Variants in NRXN1 observed in about 807,000 individuals in gnomAD.
NRXN1 encodes neurexin 1.
Under a neutral mutation model 150.9 loss-of-function variants are expected in NRXN1, and 39 were observed. The ratio of observed to expected loss-of-function variants is 0.26; its 90% CI spans 0.20 to 0.34. NRXN1 has a LOEUF of 0.34. Ranked by LOEUF, NRXN1 falls within the 10% of genes least tolerant of loss-of-function variation. The pLI, the probability that NRXN1 is intolerant of heterozygous loss-of-function variation, is 1.00. For missense variants in NRXN1, 1,815 were observed against 1,949.9 expected (o/e 0.93, Z 1.30); for synonymous variants, 924 against 757.0 (o/e 1.22, Z -3.62).
chr2:50,473,228 C>T (rs34723712), intron 15 of NRXN1, among the ~76,000 whole-genome samples: 45,733 of 151,630 alleles, frequency 0.3, 7,293 homozygotes, highest in South Asian at 0.4. Context: ...TTAGGCTGCT[C>T]TGAAATCCGT....
At chr2:49,999,610 T>C (rs1433692623) in intron 21 of NRXN1, among the ~76,000 whole-genome samples, 1 of 152,186 alleles carries the variant, frequency 6.6e-6, no homozygotes, top group Non-Finnish European at 1.5e-5. Context: ...GAGACAATAG[T>C]ATAATAAATC....
intron 5 of NRXN1, among the ~76,000 whole-genome samples, chr2:50,672,349 G>A (rs186859727): frequency 4.0e-5 from 6 of 151,642 alleles, no homozygotes; most frequent in African/African-American, 1.2e-4. Context: ...GAGTGTAATT[G>A]CTAAAGTTAG....
chr2:50,691,025 T>C (rs1691997214), intron 5 of NRXN1, among the ~76,000 whole-genome samples: 1 of 152,228 alleles, frequency 6.6e-6, no homozygotes, highest in Admixed American at 6.5e-5. Context: ...GTGACATTTT[T>C]TTCTAAAGAC....
At chr2:50,673,108 G>T (rs1433094307) in intron 5 of NRXN1, among the ~76,000 whole-genome samples, 2 of 151,978 alleles carry the variant, frequency 1.3e-5, no homozygotes, top group South Asian at 2.1e-4. Flanking sequence ...GAAGACGGTG[G>T]CAATAATTAA....
At chr2:50,950,440 C>A (rs1303968689) in intron 2 of NRXN1, among the ~76,000 whole-genome samples, 1 of 152,076 alleles carries the variant, frequency 6.6e-6, no homozygotes, top group African/African-American at 2.4e-5. Context: ...TGAATTTCTT[C>A]CGTTAAAGAG....
intron 18 of NRXN1, among the ~76,000 whole-genome samples, chr2:50,095,910 G>A (rs1048884953): frequency 7.3e-5 from 11 of 151,374 alleles, no homozygotes; most frequent in East Asian, 3.9e-4. Flanking sequence ...GACATTAGGT[G>A]TATCTCCTAA....
chr2:50,227,985 G>T (rs909351295), intron 18 of NRXN1, among the ~76,000 whole-genome samples: 5 of 151,988 alleles, frequency 3.3e-5, no homozygotes, highest in African/African-American at 1.2e-4. Flanking sequence ...TACAACTGTA[G>T]ATATAACAAA....
intron 17 of NRXN1, among the ~76,000 whole-genome samples, chr2:50,310,125 A>G (rs2075052234): frequency 6.6e-6 from 1 of 152,224 alleles, no homozygotes. Context: ...AAGGAAAGAG[A>G]GAGTATCTTG....
At chr2:50,717,978 C>T (rs1468544680) in intron 5 of NRXN1, among the ~76,000 whole-genome samples, 2 of 152,068 alleles carry the variant, frequency 1.3e-5, no homozygotes, top group African/African-American at 4.8e-5. Context: ...ATTGGGAAGG[C>T]GGAATAAACA....
At chr2:50,747,740 T>C (rs1332157320) in intron 5 of NRXN1, among the ~76,000 whole-genome samples, 1 of 152,112 alleles carries the variant, frequency 6.6e-6, no homozygotes, top group Non-Finnish European at 1.5e-5. Flanking sequence ...ATAATATCCA[T>C]CTATGTGCTA....
At chr2:50,783,328 G>C (rs1424857900) in intron 5 of NRXN1, among the ~76,000 whole-genome samples, 1 of 151,974 alleles carries the variant, frequency 6.6e-6, no homozygotes, top group Non-Finnish European at 1.5e-5. Flanking sequence ...GCCAGCATGG[G>C]GATTCTGTTA....
chr2:50,901,865 T>C (rs377389648), intron 5 of NRXN1, among the ~76,000 whole-genome samples: 1 of 152,168 alleles, frequency 6.6e-6, no homozygotes, highest in African/African-American at 2.4e-5. Flanking sequence ...GCTTTCAAAA[T>C]GTTTAAAAAT....
Position 51,028,151 on chromosome 2 carries a change from C to A in NRXN1, c.123G>T (p.Thr41=), listed in dbSNP as rs1400018643. 6.5e-7 allele frequency: 1 copy of A among 1,541,974 alleles called. No homozygotes were observed. Among genetic ancestry groups the A allele is most frequent in the Non-Finnish European group, 8.7e-7 (1 of 1,147,216 alleles). ...LEFPGAEGQW[T]RFPKWNACCE... ...AGCAGGCGTTCCACTTGGGGAAGCG[C>A]GTCCATTGGCCCTCGGCGCCCGGAA... is the stretch of plus-strand genomic sequence containing the variant. The change falls in exon 2 of 23, where the codon ACG becomes ACT. Residue 41 remains threonine (T), a synonymous_variant. Coordinates refer to ENST00000401669, the MANE Select transcript of NRXN1 (RefSeq NM_001330078.2).
intron 10 of NRXN1, among the ~76,000 whole-genome samples, chr2:50,532,982 G>T (rs962547240): frequency 6.6e-6 from 1 of 152,152 alleles, no homozygotes; most frequent in Non-Finnish European, 1.5e-5. Context: ...ACACAGCATA[G>T]CAATTAAGTG....
chr2:50,859,025 A>T (rs902415352), intron 5 of NRXN1, among the ~76,000 whole-genome samples: 37 of 152,166 alleles, frequency 2.4e-4, no homozygotes, highest in African/African-American at 8.7e-4. Context: ...ATTTTAAAGC[A>T]AATGGCATTA....
chr2:49,964,963 T>C (rs1676689872), intron 21 of NRXN1, among the ~76,000 whole-genome samples: 1 of 152,156 alleles, frequency 6.6e-6, no homozygotes, highest in Non-Finnish European at 1.5e-5. Context: ...ATCAGATCAC[T>C]GCAACCTCTG....
In NRXN1 at chr2:50,091,478, C is replaced by G. The variant is rs759057689; in HGVS notation, c.3563G>C (p.Gly1188Ala). The G allele has an allele frequency of 6.2e-7, 1 of 1,613,954 alleles. No individual in the cohort carries two copies. The highest frequency in any genetic ancestry group is 8.5e-7 in the Non-Finnish European group (1 of 1,180,028). The change falls in exon 19 of 23, where the codon GGA becomes GCA. Residue 1188 changes from glycine (G) to alanine (A), a missense_variant. Coordinates refer to ENST00000401669, the MANE Select transcript of NRXN1 (RefSeq NM_001330078.2). ...LELHIHQGKI[G>A]VKFNVGTDDI... The stretch of plus-strand genomic sequence containing the variant: ...ATCTGTCCCAACATTAAACTTAACT[C>G]CAATTTTTCCCTGGTGCTGTAAGAG...
intron 10 of NRXN1, among the ~76,000 whole-genome samples, chr2:50,537,478 A>T (rs1367619830): frequency 6.6e-6 from 1 of 152,160 alleles, no homozygotes; most frequent in Non-Finnish European, 1.5e-5. Flanking sequence ...TGGGATGGCT[A>T]TTGCCCTTCA....
intron 18 of NRXN1, among the ~76,000 whole-genome samples, chr2:50,181,953 C>G (rs1291670248): frequency 6.6e-6 from 1 of 151,836 alleles, no homozygotes; most frequent in Non-Finnish European, 1.5e-5. Context: ...CCTTAACACA[C>G]AGTCCTAGGA....
Sources: gnomAD v4.1 joint callset for allele counts (sites outside exome capture counted in the v4.1 genomes callset) on GRCh38, gnomAD v4.1.1 for gene constraint, MANE v1.5 for transcripts, NCBI Gene and HGNC (gene_info 2026-07-23, HGNC 2026-07-21) for gene names.